Variants in LRP8 observed in about 807,000 individuals in gnomAD.
LRP8 encodes the protein LDL receptor related protein 8.
In LRP8, 46 loss-of-function variants were observed where a neutral mutation model predicts 111.6. The observed-to-expected ratio is 0.41, with a 90% CI of 0.33 to 0.53. The LOEUF is 0.53. LRP8 is among the 20% of genes least tolerant of loss of function. The pLI is 0.20. For synonymous variants in LRP8, 464 were observed against 511.2 expected, an observed-to-expected ratio of 0.91 and a Z score of 1.24; for missense variants, 959 against 1,297.4, an observed-to-expected ratio of 0.74 and a Z score of 4.01.
At chr1:53,302,170 G>C (rs1463945669) in intron 2 of LRP8, among the ~76,000 whole-genome samples, 8 of 152,142 alleles carry the variant, frequency 5.3e-5, no homozygotes, top group African/African-American at 1.9e-4. Context: ...TAGGGGCTGA[G>C]GAAGCCTGCC....
At chr1:53,288,713 C>T (rs1648054553) in intron 3 of LRP8, among the ~76,000 whole-genome samples, 1 of 152,134 alleles carries the variant, frequency 6.6e-6, no homozygotes, top group African/African-American at 2.4e-5. Context: ...TCCCCGCCAG[C>T]CCCACTATCC....
intron 2 of LRP8, among the ~76,000 whole-genome samples, chr1:53,312,042 G>C (rs1653096749): frequency 6.6e-6 from 1 of 152,208 alleles, no homozygotes; most frequent in Non-Finnish European, 1.5e-5. Context: ...CCTCCACTTG[G>C]GAGGAGTGAG....
At chr1:53,261,066 C>T (rs923311359) in intron 12 of LRP8, among the ~76,000 whole-genome samples, 3 of 152,164 alleles carry the variant, frequency 2.0e-5, no homozygotes, top group Admixed American at 6.5e-5. Flanking sequence ...CAAATCCACA[C>T]GTACAGGTAC....
At chr1:53,312,588 C>A (rs1343707296) in intron 2 of LRP8, among the ~76,000 whole-genome samples, 1 of 151,830 alleles carries the variant, frequency 6.6e-6, no homozygotes, top group African/African-American at 2.4e-5. Context: ...GAACTCCCGG[C>A]CTTAAGTGAT....
At chr1:53,319,239 G>T (rs1017204655) in intron 2 of LRP8, among the ~76,000 whole-genome samples, 37 of 152,312 alleles carry the variant, frequency 2.4e-4, no homozygotes, top group South Asian at 4.1e-4. Context: ...TGGAAACTAA[G>T]ATGCCCTCCA....
Position 53,262,825 on chromosome 1 carries a change from C to A in LRP8, c.1656-261G>T, listed in dbSNP as rs1393132565. On this transcript the variant is annotated intron_variant, in intron 10 of 18. Transcript: ENST00000306052. The surrounding 1 kb of genome is among the most constrained non-coding windows in gnomAD (Gnocchi z 4.8). Reference sequence around the variant, plus strand: ...ATAGCCTGTGACCCCATCTCTCCCACTTCTGGCAGTGCTAACTAACTAGAG... The same window carrying A: ...ATAGCCTGTGACCCCATCTCTCCCAATTCTGGCAGTGCTAACTAACTAGAG... 6.6e-6 allele frequency among the ~76,000 whole-genome samples: 1 copy of A among 152,206 alleles called. No individual in the cohort carries two copies. The highest frequency in any genetic ancestry group is 2.4e-5 in the African/African-American group (1 of 41,460).
chr1:53,276,907 G>T lies in LRP8; in HGVS notation c.668C>A (p.Pro223Gln). 1.4e-6 allele frequency: 2 copies of T among 1,433,362 alleles called. No homozygotes were observed. 88.8% of individuals were successfully genotyped at this position (1,433,362 alleles called of 1,614,324 possible). A position where few individuals can be genotyped will look rare whatever the true frequency, so the allele number is the denominator to read the frequency against. Reference sequence around the variant, plus strand: ...CTGGCGGTCGCAGACCCAGCGCTCCGGGATGCAGGCGCCGCCGCCATCGCC... The same window carrying T: ...CTGGCGGTCGCAGACCCAGCGCTCCTGGATGCAGGCGCCGCCGCCATCGCC... ...CGGDGGGACI[P>Q]ERWVCDRQFD... Residue 223 changes from proline to glutamine, a missense_variant, in exon 5 of 19, where the codon CCG becomes CAG. Physicochemically the swap from Pro to Gln is moderately conservative, Grantham distance 76. Coordinates refer to ENST00000306052, the MANE Select transcript of LRP8 (RefSeq NM_004631.5).
intron 10 of LRP8, among the ~76,000 whole-genome samples, chr1:53,263,180 C>T (rs1005370355): frequency 1.3e-5 from 2 of 152,170 alleles, no homozygotes; most frequent in Non-Finnish European, 2.9e-5. Context: ...AGGTGCAACA[C>T]AAGGTCTGCA....
At chr1:53,268,816 T>C (rs1407570421) in intron 8 of LRP8, among the ~76,000 whole-genome samples, 1 of 152,212 alleles carries the variant, frequency 6.6e-6, no homozygotes, top group Admixed American at 6.5e-5. Context: ...AAGCAAATCC[T>C]GTTGGCTGGC....
chr1:53,260,663 C>A, intron 12 of LRP8, 58 bp from the exon 13 acceptor site: 2 of 1,571,380 alleles, frequency 1.3e-6, no homozygotes, highest in South Asian at 1.2e-5. Context: ...TGACCTCAGT[C>A]TGAGGGGTTG....
rs1364909476 is a variant in LRP8 at position 53,276,929 on chromosome 1, C to T, written c.646G>A (p.Asp216Asn). 1.4e-6 allele frequency: 2 copies of T among 1,447,570 alleles called. No individual in the cohort carries two copies. The highest frequency in any genetic ancestry group is 1.3e-5 in the South Asian group (1 of 78,240). 89.7% of individuals were successfully genotyped at this position (1,447,570 alleles called of 1,614,324 possible). A position where few individuals can be genotyped will look rare whatever the true frequency, so the allele number is the denominator to read the frequency against. Residue 216 changes from aspartate to asparagine, a missense_variant, in exon 5 of 19, where the codon GAT becomes AAT. Asp to Asn is a conservative substitution (Grantham distance 23). Around this residue, in one of 3 missense-constraint regions of LRP8, gnomAD observed 819 missense variants for 1,097.6 expected, o/e 0.75. Coordinates refer to ENST00000306052, the MANE Select transcript of LRP8 (RefSeq NM_004631.5). Reference sequence around the variant, plus strand: ...TCCGGGATGCAGGCGCCGCCGCCATCGCCGCCGCAGCGGAACTCGCGGGGC... The same window carrying T: ...TCCGGGATGCAGGCGCCGCCGCCATTGCCGCCGCAGCGGAACTCGCGGGGC... ...CGPREFRCGG[D>N]GGGACIPERW...
At chr1:53,271,432 G>A in intron 6 of LRP8, 86 bp from the exon 7 acceptor site, 1 of 1,512,500 alleles carries the variant, frequency 6.6e-7, no homozygotes, top group Non-Finnish European at 9.1e-7. Flanking sequence ...CAGAAGCAGA[G>A]CCTCAGGGCA....
At chr1:53,310,383 T>C (rs1452284288) in intron 2 of LRP8, among the ~76,000 whole-genome samples, 1 of 152,040 alleles carries the variant, frequency 6.6e-6, no homozygotes, top group Non-Finnish European at 1.5e-5. Flanking sequence ...ATGTTCTGTC[T>C]CCTGCTAAGC....
chr1:53,264,112 C>A, intron 10 of LRP8, 57 bp downstream of exon 10: 1 of 1,530,416 alleles, frequency 6.5e-7, no homozygotes, highest in Non-Finnish European at 9.0e-7. Context: ...TTGTGACAGA[C>A]ACAAGAGGAC....
chr1:53,258,237 G>T, intron 14 of LRP8, 82 bp downstream of exon 14: 1 of 1,396,156 alleles, frequency 7.2e-7, no homozygotes, highest in Non-Finnish European at 9.8e-7. Flanking sequence ...GCAGCATACT[G>T]TGTCCCAGAA....
intron 18 of LRP8, 97 bp from the exon 19 acceptor site, chr1:53,247,153 T>A: frequency 1.2e-6 from 1 of 861,986 alleles, no homozygotes; most frequent in Non-Finnish European, 1.8e-6. Flanking sequence ...TTAACAGGTA[T>A]TAGCTCACAT....
At chr1:53,320,312 C>G (rs555421650) in intron 2 of LRP8, among the ~76,000 whole-genome samples, 76 of 152,336 alleles carry the variant, frequency 5.0e-4, no homozygotes, top group Middle Eastern at 3.4e-3. Flanking sequence ...CACCCTGTTC[C>G]CGGATCCAGC....
chr1:53,260,073 G>C lies in LRP8; in HGVS notation c.2056+391C>G, dbSNP rs17108163. Among the ~76,000 whole-genome samples, 378 of 152,266 alleles carry C rather than the reference G, an allele frequency of 2.5e-3. 9 individuals are homozygous for C. In the East Asian group the frequency reaches 0.065, roughly 26 times the overall value. ...TACTACTGCAGAATGGCTACAAATA[G>C]CAAGTTAGATGCAGTGTGTCATGGT... is the stretch of plus-strand genomic sequence containing the variant. On this transcript the variant is annotated intron_variant, in intron 13 of 18. Coordinates refer to ENST00000306052, the MANE Select transcript of LRP8 (RefSeq NM_004631.5).
At chr1:53,286,496 C>G (rs1647573007) in intron 3 of LRP8, among the ~76,000 whole-genome samples, 1 of 152,238 alleles carries the variant, frequency 6.6e-6, no homozygotes, top group South Asian at 2.1e-4. Flanking sequence ...CCTCCCCCAC[C>G]CTCACCCCTC....
Sources: allele counts gnomAD v4.1 joint callset (sites outside exome capture counted in the v4.1 genomes callset), GRCh38; gene constraint gnomAD v4.1.1; regional missense constraint gnomAD v4.1.1; non-coding constraint Gnocchi (gnomAD v3.1); transcripts MANE v1.5; gene names NCBI Gene and HGNC (gene_info 2026-07-23, HGNC 2026-07-21).